DGKH: variants seen among roughly 807,000 people sequenced by gnomAD.
The protein encoded by DGKH is DAG kinase eta.
Under a neutral mutation model 159.3 loss-of-function variants are expected in DGKH, and 90 were observed. The observed-to-expected ratio is 0.57, with a 90% confidence interval of 0.48 to 0.67. DGKH has a LOEUF of 0.67. Ranked by LOEUF, DGKH falls within the 30% of genes least tolerant of loss-of-function variation. DGKH has a pLI of 0.00. For synonymous variants in DGKH, 536 were observed against 553.8 expected (o/e 0.97, Z 0.45); for missense variants, 1,181 against 1,506.1 (o/e 0.78, Z 3.57).
At chr13:42,218,938 G>GAAAA (rs1957884985) in intron 26 of DGKH, among the ~76,000 whole-genome samples, 1 of 152,042 alleles carries the variant, frequency 6.6e-6, no homozygotes, top group African/African-American at 2.4e-5. Context: ...CAGGAAAGAA[G>GAAAA]ACATTTACAC....
At chr13:42,128,649 G>GAGAA (rs397723513) in intron 2 of DGKH, among the ~76,000 whole-genome samples, 2 of 151,640 alleles carry the variant, frequency 1.3e-5, no homozygotes, top group Non-Finnish European at 2.9e-5. Flanking sequence ...ACGAGAGAGA[G>GAGAA]TTCAGTTTTC....
chr13:42,135,842 T>A (rs1416459973), intron 3 of DGKH, among the ~76,000 whole-genome samples: 1 of 152,166 alleles, frequency 6.6e-6, no homozygotes, highest in Non-Finnish European at 1.5e-5. Flanking sequence ...GTCCTTTCTA[T>A]CTGGGTAGTC....
chr13:42,221,311 A>G lies in DGKH; in HGVS notation c.3490A>G (p.Asn1164Asp). Reference protein sequence around the residue: ...EEVAAWLDLLNLGEYKDIFIR... With the variant: ...EEVAAWLDLLDLGEYKDIFIR... ...AGTTGCTGCTTGGCTGGATCTGCTC[A>G]ATTTGGGAGAGTACAAAGATATCTT... The change falls in exon 29 of 30, where the codon AAT (asparagine) becomes GAT (aspartate). Residue 1164 changes from asparagine (N) to aspartate (D), a missense_variant. This residue lies in a region of DGKH where 84 missense variants were observed against 77.9 expected (regional missense o/e 1.08). Coordinates refer to ENST00000337343, the MANE Select transcript of DGKH (RefSeq NM_178009.5). The G allele has an allele frequency of 1.2e-6, 2 of 1,613,730 alleles. No homozygotes were observed. Among genetic ancestry groups the G allele is most frequent in the Non-Finnish European group, 1.7e-6 (2 of 1,179,702 alleles).
At chr13:42,094,105 C>T (rs1378119277) in intron 1 of DGKH, among the ~76,000 whole-genome samples, 3 of 111,592 alleles carry the variant, frequency 2.7e-5, no homozygotes, top group Non-Finnish European at 5.1e-5. Flanking sequence ...ATATCACACA[C>T]TGGGGCCTGT....
chr13:42,208,959 A>G lies in DGKH; in HGVS notation c.2602A>G (p.Ile868Val), dbSNP rs369860647. Residue 868 changes from isoleucine to valine, a missense_variant and splice_region_variant, in exon 22 of 30, where the codon ATA becomes GTA. Physicochemically the swap from Ile to Val is conservative, Grantham distance 29. This residue lies in a region of DGKH where 335 missense variants were observed against 495.2 expected (regional missense o/e 0.68). Transcript: ENST00000337343. The stretch of plus-strand genomic sequence containing the variant: ...AAGTGTAATGTAGTTTTTCTTTCAG[A>G]TATTTGCTGCACCATCCTTTGATGA... The part of the protein sequence containing the change: ...NFWGGTKEDD[I>V]FAAPSFDDKI... The G allele has an allele frequency of 4.4e-6, 7 of 1,603,450 alleles. No individual in the cohort carries two copies. Among genetic ancestry groups the G allele is most frequent in the East Asian group, 2.2e-5 (1 of 44,470 alleles).
intron 1 of DGKH, among the ~76,000 whole-genome samples, chr13:42,122,297 G>A: frequency 6.6e-6 from 1 of 152,188 alleles, no homozygotes; most frequent in East Asian, 1.9e-4. Context: ...CTGAGGCTGG[G>A]TGATTTATAA....
intron 1 of DGKH, among the ~76,000 whole-genome samples, chr13:42,101,356 C>G (rs999285072): frequency 6.6e-6 from 1 of 152,120 alleles, no homozygotes; most frequent in Non-Finnish European, 1.5e-5. Flanking sequence ...AGGAATAAAC[C>G]ATTTGATTTG....
rs143773297 is a variant in DGKH, at chr13:42,219,763, G to C, written c.3411G>C (p.Lys1137Asn). Residue 1137 changes from lysine (K) to asparagine (N), a missense_variant, in exon 28 of 30, where the codon AAG becomes AAC. By Grantham distance (94) the Lys-to-Asn change is moderately conservative. This residue lies in a region of DGKH where 335 missense variants were observed against 495.2 expected (regional missense o/e 0.68). Coordinates refer to ENST00000337343, the MANE Select transcript of DGKH (RefSeq NM_178009.5). ...FRIVPKFKKE[K>N]VQKQKTSSQP... Reference sequence around the variant, plus strand: ...TAGTGCCAAAGTTTAAAAAGGAAAAGGTTCAGAAGCAGAAGACAAGTTCAC... The same window carrying C: ...TAGTGCCAAAGTTTAAAAAGGAAAACGTTCAGAAGCAGAAGACAAGTTCAC... 1 of 1,613,628 alleles carries C rather than the reference G, an allele frequency of 6.2e-7. No individual in the cohort carries two copies. Among genetic ancestry groups the C allele is most frequent in the South Asian group, 1.1e-5 (1 of 91,048 alleles).
intron 9 of DGKH, among the ~76,000 whole-genome samples, chr13:42,167,332 A>G (rs996428187): frequency 2.0e-5 from 3 of 152,232 alleles, no homozygotes; most frequent in African/African-American, 7.2e-5. Flanking sequence ...TAACATACTT[A>G]CAGCAACTCA....
chr13:42,222,050 T>A (rs978571886), intron 29 of DGKH, among the ~76,000 whole-genome samples: 1 of 152,224 alleles, frequency 6.6e-6, no homozygotes, highest in Non-Finnish European at 1.5e-5. Flanking sequence ...TATTTGTGAA[T>A]TGACGATAGA....
chr13:42,217,405 AT>A (rs1034284640), intron 26 of DGKH, among the ~76,000 whole-genome samples: 22 of 147,510 alleles, frequency 1.5e-4, no homozygotes, highest in African/African-American at 2.2e-4. Flanking sequence ...ATGCCTGGCA[AT>A]TTTTTTTTTT....
At chr13:42,202,332 TGGAAAAGAGAGA>T (rs1957368226) in intron 20 of DGKH, among the ~76,000 whole-genome samples, 1 of 152,116 alleles carries the variant, frequency 6.6e-6, no homozygotes, top group African/African-American at 2.4e-5. Context: ...GGGATAAAGG[TGGAAAAGAGAGA>T]CCCACACCTT....
At chr13:42,040,374 G>T (rs1038672813) in intron 1 of DGKH, among the ~76,000 whole-genome samples, 12 of 152,060 alleles carry the variant, frequency 7.9e-5, no homozygotes, top group Middle Eastern at 3.2e-3. Context: ...GGCCCCGGGG[G>T]AGGCCGCTCC....
At chr13:42,107,568 A>G (rs1413414860) in intron 1 of DGKH, among the ~76,000 whole-genome samples, 1 of 152,198 alleles carries the variant, frequency 6.6e-6, no homozygotes, top group Non-Finnish European at 1.5e-5. Context: ...AGGATTAATT[A>G]GACAGGGGGC....
chr13:42,043,085 T>G (rs546410301), intron 1 of DGKH, among the ~76,000 whole-genome samples: 13 of 152,328 alleles, frequency 8.5e-5, no homozygotes, highest in South Asian at 4.1e-4. Context: ...TGACCTTTTT[T>G]GGGGTCAGCA....
intron 18 of DGKH, 35 bp from the exon 19 acceptor site, chr13:42,199,531 A>G (rs751665684): frequency 9.3e-6 from 13 of 1,395,532 alleles, no homozygotes; most frequent in African/African-American, 1.5e-5. Context: ...ATGAATCTCA[A>G]ATTGACTTTG....
intron 1 of DGKH, among the ~76,000 whole-genome samples, chr13:42,084,972 T>C (rs1434728390): frequency 6.6e-6 from 1 of 152,172 alleles, no homozygotes; most frequent in East Asian, 1.9e-4. Context: ...ATTCTGGATT[T>C]CTGTTTTTGC....
intron 1 of DGKH, among the ~76,000 whole-genome samples, chr13:42,115,765 G>C (rs1038119042): frequency 6.6e-6 from 1 of 152,290 alleles, no homozygotes; most frequent in South Asian, 2.1e-4. Context: ...GGAATTATGC[G>C]GGTGATGGGT....
chr13:42,141,277 C>T (rs1955553330), intron 3 of DGKH, among the ~76,000 whole-genome samples: 1 of 151,692 alleles, frequency 6.6e-6, no homozygotes, highest in African/African-American at 2.4e-5. Flanking sequence ...GTATATGTGC[C>T]ACATTTTCTT....
Sources: gnomAD v4.1 joint callset for allele counts (sites outside exome capture counted in the v4.1 genomes callset) on GRCh38, gnomAD v4.1.1 for gene constraint, gnomAD v4.1.1 regional missense constraint, MANE v1.5 for transcripts, NCBI Gene and HGNC (gene_info 2026-07-23, HGNC 2026-07-21) for gene names.